The following IFT57 variants were observed in gnomAD, a reference collection of about 807,000 sequenced individuals.
IFT57 encodes intraflagellar transport protein 57 homolog.
A neutral mutation model predicts 56.8 loss-of-function variants in IFT57; 59 were observed. That is an observed-to-expected ratio of 1.04 (90% confidence interval 0.84 to 1.29). The LOEUF is 1.29. Among genes scored for constraint, IFT57 ranks in the 50% most tolerant of loss-of-function variants. The pLI, the probability that IFT57 is intolerant of heterozygous loss-of-function variation, is 0.00. For missense variants in IFT57, 470 were observed against 522.1 expected (o/e 0.90, Z 0.97); for synonymous variants, 209 against 186.1 (o/e 1.12, Z -1.00).
intron 5 of IFT57, among the ~76,000 whole-genome samples, chr3:108,195,951 C>T (rs909526616): frequency 3.9e-5 from 6 of 151,988 alleles, no homozygotes; most frequent in African/African-American, 7.2e-5. Context: ...CTATAATTAA[C>T]GGTAATGTAT....
intron 5 of IFT57, among the ~76,000 whole-genome samples, chr3:108,198,555 C>T (rs1001395522): frequency 6.6e-6 from 1 of 152,200 alleles, no homozygotes; most frequent in Middle Eastern, 3.4e-3. Context: ...GATTCTCCTG[C>T]CTCAACCTCC....
At chr3:108,196,255 T>A (rs916049048) in intron 5 of IFT57, among the ~76,000 whole-genome samples, 3 of 152,144 alleles carry the variant, frequency 2.0e-5, no homozygotes, top group Admixed American at 2.0e-4. Context: ...CAACCCTCAT[T>A]TCCACCCTCA....
chr3:108,215,029 T>C (rs982752352), intron 3 of IFT57, among the ~76,000 whole-genome samples: 4 of 152,186 alleles, frequency 2.6e-5, no homozygotes, highest in African/African-American at 9.7e-5. Flanking sequence ...TTTACATCTT[T>C]GATCAATCTG....
At chr3:108,188,001 C>T (rs187492624) in intron 6 of IFT57, among the ~76,000 whole-genome samples, 3 of 148,552 alleles carry the variant, frequency 2.0e-5, no homozygotes, top group Non-Finnish European at 4.5e-5. Context: ...AGGTTTGTTA[C>T]GTATGTAGCA....
chr3:108,214,051 T>A, intron 3 of IFT57, 30 bp from the exon 4 acceptor site: 1 of 1,253,814 alleles, frequency 8.0e-7, no homozygotes, highest in South Asian at 1.2e-5. Flanking sequence ...CATGAGGTGA[T>A]AATTTTAATA....
chr3:108,164,552 C>T (rs899978228), intron 9 of IFT57, among the ~76,000 whole-genome samples: 2 of 149,990 alleles, frequency 1.3e-5, no homozygotes, highest in Non-Finnish European at 3.0e-5. Flanking sequence ...AATGTTACAA[C>T]TGGGGATAAC....
rs545743307 is a variant in IFT57, at chr3:108,193,030, T to G, written c.655-1387A>C. 2.0e-5 allele frequency among the ~76,000 whole-genome samples: 3 copies of G among 152,332 alleles called. No homozygotes were observed. The South Asian group carries it at 6.2e-4, about 32-fold the overall frequency. On this transcript the variant is annotated intron_variant, in intron 5 of 10. Transcript: ENST00000264538. Reference sequence around the variant, plus strand: ...ATAGCGTGGCATGTTCATTATCTTATTCTAATTTTGTATATGTTTGAAACA... The same window carrying G: ...ATAGCGTGGCATGTTCATTATCTTAGTCTAATTTTGTATATGTTTGAAACA...
chr3:108,220,141 G>A (rs569097720), intron 1 of IFT57, among the ~76,000 whole-genome samples: 103 of 152,308 alleles, frequency 6.8e-4, no homozygotes, highest in Non-Finnish European at 1.4e-3. Context: ...CCAGTATGGG[G>A]TATATTTCAA....
rs776375773 is a variant in IFT57 at position 108,218,664 on chromosome 3, A to C, written c.376-11T>G. ...ATCTGCAGTTCTTCCCTGAAAAACA[A>C]AAGAAAAAACAGGGTATTATTTGTT... On this transcript the variant is annotated splice_polypyrimidine_tract_variant and intron_variant, in intron 2 of 10. Transcript: ENST00000264538. 1 of 1,384,374 alleles carries C rather than the reference A, an allele frequency of 7.2e-7. No homozygotes were observed. Among genetic ancestry groups the C allele is most frequent in the Non-Finnish European group, 9.8e-7 (1 of 1,017,126 alleles). 85.8% of individuals were successfully genotyped at this position (1,384,374 alleles called of 1,614,324 possible). A position where few individuals can be genotyped will look rare whatever the true frequency, so the allele number is the denominator to read the frequency against.
At chr3:108,183,319 T>C (rs1361687516) in intron 6 of IFT57, among the ~76,000 whole-genome samples, 1 of 152,118 alleles carries the variant, frequency 6.6e-6, no homozygotes, top group Admixed American at 6.6e-5. Context: ...AGCCAGCTCA[T>C]ATACAAATAT....
intron 5 of IFT57, among the ~76,000 whole-genome samples, chr3:108,196,258 C>CACCCTCATTTCCA (rs57132055): frequency 0.096 from 14,559 of 151,992 alleles, 759 homozygotes; most frequent in Middle Eastern, 0.12. Flanking sequence ...CCCTCATTTC[C>CACCCTCATTTCCA]ACCCTCATTT....
intron 6 of IFT57, among the ~76,000 whole-genome samples, chr3:108,179,998 G>A (rs1460458867): frequency 1.3e-5 from 2 of 151,790 alleles, no homozygotes; most frequent in African/African-American, 4.8e-5. Context: ...GTTTCCTCAG[G>A]GATGTTCCTG....
chr3:108,163,817 T>C, intron 9 of IFT57, 88 bp from the exon 10 acceptor site: 1 of 745,422 alleles, frequency 1.3e-6, no homozygotes, highest in South Asian at 1.6e-5. Flanking sequence ...GTAATTTAGA[T>C]ATTAGCCACA....
Position 108,218,608 on chromosome 3 carries a change from C to T in IFT57, c.421G>A (p.Gly141Arg). The T allele has an allele frequency of 1.3e-6, 2 of 1,546,830 alleles. No individual in the cohort carries two copies. Among genetic ancestry groups the T allele is most frequent in the East Asian group, 2.5e-5 (1 of 40,802 alleles). The change falls in exon 3 of 11, where the codon GGA becomes AGA. Residue 141 changes from glycine (G) to arginine (R), a missense_variant. Coordinates refer to ENST00000264538, the MANE Select transcript of IFT57 (RefSeq NM_018010.4). Reference protein sequence around the residue: ...FPPSKLKSGYGEHVCYVLDCF... With the variant: ...FPPSKLKSGYREHVCYVLDCF... ...TCAAGAACATAGCATACATGTTCTC[C>T]ATAACCTGACTTTAATTTTGAAGGA...
chr3:108,220,204 C>T (rs1264834564), intron 1 of IFT57, among the ~76,000 whole-genome samples: 1 of 152,214 alleles, frequency 6.6e-6, no homozygotes, highest in African/African-American at 2.4e-5. Flanking sequence ...CTGTGAATGT[C>T]ACATCACCAG....
rs919426544 is a variant in IFT57, at chr3:108,213,845, C to G, written c.585+86G>C. 8.2e-6 allele frequency: 6 copies of G among 732,062 alleles called. No individual in the cohort carries two copies. The African/African-American group carries it at 8.9e-5, about 11-fold the overall frequency. The allele number at this position is 732,062 out of a possible 1,614,324, so 45.3% of individuals were successfully genotyped here. Reference sequence around the variant, plus strand: ...TAGAAACAATGAAATAAAATATATTCCAGATAATGGAAGTCTGGGGGAAAT... The same window carrying G: ...TAGAAACAATGAAATAAAATATATTGCAGATAATGGAAGTCTGGGGGAAAT... On this transcript the variant is annotated intron_variant, in intron 4 of 10. Coordinates refer to ENST00000264538, the MANE Select transcript of IFT57 (RefSeq NM_018010.4).
rs148126968 is a variant in IFT57, at chr3:108,167,798, T to A, written c.844A>T (p.Thr282Ser). Residue 282 changes from threonine (T) to serine (S), a missense_variant, in exon 7 of 11, where the codon ACC becomes TCC. Physicochemically the swap from Thr to Ser is moderately conservative, Grantham distance 58 (BLOSUM62 1). Transcript: ENST00000264538. ...RSGIESALKE[T>S]KGFLDKLHNE... ...ACGTAAAGTAATTCATATACCTTGGTCTCCTTTAGAGCAGATTCAATTCCA... is the reference window on the plus strand; with the variant it reads ...ACGTAAAGTAATTCATATACCTTGGACTCCTTTAGAGCAGATTCAATTCCA... 2.6e-6 allele frequency: 4 copies of A among 1,564,940 alleles called. No individual in the cohort carries two copies. In the African/African-American group the frequency reaches 4.1e-5, roughly 16 times the overall value.
At chr3:108,191,277 C>T (rs2080213646) in intron 6 of IFT57, among the ~76,000 whole-genome samples, 1 of 152,140 alleles carries the variant, frequency 6.6e-6, no homozygotes, top group Admixed American at 6.5e-5. Context: ...AAATACCCCT[C>T]AACACTAGGC....
In IFT57 at chr3:108,209,078, A is replaced by G. The variant is rs563738975; in HGVS notation, c.586-2382T>C. On this transcript the variant is annotated intron_variant, in intron 4 of 10. Transcript: ENST00000264538. ...CAAGGGGAATACAGAATAGGTAGTG[A>G]AAGATGGTAGTTATAAACACAAACT... Among the ~76,000 whole-genome samples the G allele has an allele frequency of 7.9e-5, 12 of 152,316 alleles. No homozygotes were observed. In the South Asian group the frequency reaches 2.3e-3, roughly 29 times the overall value.
Sources: allele counts gnomAD v4.1 joint callset (sites outside exome capture counted in the v4.1 genomes callset), GRCh38; gene constraint gnomAD v4.1.1; transcripts MANE v1.5; gene names NCBI Gene and HGNC (gene_info 2026-07-23, HGNC 2026-07-21).